Variants in DTNA observed in about 807,000 individuals in gnomAD.
The protein encoded by DTNA is dystrobrevin alpha.
In DTNA, 43 loss-of-function variants were observed where a neutral mutation model predicts 100.7. That is an observed-to-expected ratio of 0.43 (90% CI 0.33 to 0.55). The LOEUF (loss-of-function observed/expected upper bound fraction) is 0.55, where lower values mean the gene tolerates loss of function less well. Among genes scored for constraint, DTNA ranks in the 20% least tolerant of loss-of-function variants. The probability of loss-of-function intolerance (pLI) is 0.04; values close to 1 mark genes in which losing one functional copy is unlikely to be tolerated. For missense variants in DTNA, 798 were observed against 953.9 expected, an observed-to-expected ratio of 0.84 and a Z score of 2.15; for synonymous variants, 349 against 347.9, an observed-to-expected ratio of 1.00 and a Z score of -0.04.
chr18:34,567,506 CAG>C (rs2047186019), intron 1 of DTNA, among the ~76,000 whole-genome samples: 1 of 151,950 alleles, frequency 6.6e-6, no homozygotes, highest in Admixed American at 6.6e-5. Flanking sequence ...CTTAATAAAT[CAG>C]AATTTAAAAG....
intron 1 of DTNA, among the ~76,000 whole-genome samples, chr18:34,686,642 G>T (rs1276958932): frequency 6.6e-6 from 1 of 152,146 alleles, no homozygotes; most frequent in East Asian, 1.9e-4. Context: ...TCAGGATGAT[G>T]CTGGCCTCAT....
rs1282021029 is a variant in DTNA, at chr18:34,718,073, G to GC, written c.-2+7633dup. On this transcript the variant is annotated intron_variant, in intron 1 of 22. Transcript: ENST00000444659. ...AGAGAACAACTGATTTATCTTTTAA[G>GC]CCCCCTTGAAAATTGTCGATTACTG... Among the ~76,000 whole-genome samples, 3 of 152,268 alleles carry GC rather than the reference G, an allele frequency of 2.0e-5. No homozygotes were observed. In the East Asian group the frequency reaches 5.8e-4, roughly 29 times the overall value.
chr18:34,517,475 G>GTGTGTGTGTGTGTGTGTA (rs1374569678), intron 1 of DTNA, among the ~76,000 whole-genome samples: 1 of 151,876 alleles, frequency 6.6e-6, no homozygotes, highest in Non-Finnish European at 1.5e-5. Context: ...GTGTGTGTGT[G>GTGTGTGTGTGTGTGTGTA]TGTGTGTGTG....
intron 1 of DTNA, among the ~76,000 whole-genome samples, chr18:34,723,887 G>A (rs998243652): frequency 6.6e-6 from 1 of 151,234 alleles, no homozygotes; most frequent in Non-Finnish European, 1.5e-5. Context: ...CAACAAGAGC[G>A]AGATTCTGTC....
At chr18:34,634,729 A>C in intron 1 of DTNA, among the ~76,000 whole-genome samples, 1 of 152,338 alleles carries the variant, frequency 6.6e-6, no homozygotes, top group Non-Finnish European at 1.5e-5. Context: ...TATAAATTGT[A>C]TACTATATAC....
chr18:34,549,354 G>A (rs2145898207), intron 1 of DTNA, among the ~76,000 whole-genome samples: 1 of 152,100 alleles, frequency 6.6e-6, no homozygotes, highest in Middle Eastern at 3.4e-3. Context: ...TTCTTTCAGC[G>A]TTTAGAGTAT....
intron 1 of DTNA, among the ~76,000 whole-genome samples, chr18:34,636,015 C>A (rs2148234095): frequency 1.3e-5 from 2 of 152,224 alleles, no homozygotes; most frequent in Admixed American, 1.3e-4. Flanking sequence ...TAGCCTAGCT[C>A]ACAATCAGTT....
intron 1 of DTNA, among the ~76,000 whole-genome samples, chr18:34,661,370 T>C (rs2075158382): frequency 6.6e-6 from 1 of 152,218 alleles, no homozygotes; most frequent in African/African-American, 2.4e-5. Context: ...GCAGTATGTA[T>C]TGATGGCCCT....
At chr18:34,886,226 A>G (rs1256956201) in intron 22 of DTNA, among the ~76,000 whole-genome samples, 1 of 152,240 alleles carries the variant, frequency 6.6e-6, no homozygotes, top group African/African-American at 2.4e-5. Flanking sequence ...CCTCAGGTTA[A>G]AATTAAGCAA....
chr18:34,660,460 C>G (rs980226712), intron 1 of DTNA, among the ~76,000 whole-genome samples: 2 of 151,840 alleles, frequency 1.3e-5, no homozygotes, highest in African/African-American at 4.8e-5. Context: ...GTATTTTACT[C>G]TAAATTATAT....
intron 1 of DTNA, among the ~76,000 whole-genome samples, chr18:34,603,075 A>G (rs1357755067): frequency 1.3e-5 from 2 of 151,838 alleles, no homozygotes; most frequent in African/African-American, 4.8e-5. Context: ...AAAGAAATTT[A>G]GCTGAGCGTG....
intron 13 of DTNA, among the ~76,000 whole-genome samples, chr18:34,842,964 C>T (rs148890316): frequency 1.3e-5 from 2 of 152,114 alleles, no homozygotes; most frequent in East Asian, 1.9e-4. Flanking sequence ...GGGACCCTCT[C>T]CAACTTGTTC....
chr18:34,709,995 A>G (rs2082598445), upstream of DTNA, among the ~76,000 whole-genome samples: 1 of 152,234 alleles, frequency 6.6e-6, no homozygotes, highest in Non-Finnish European at 1.5e-5. Flanking sequence ...GATAATGATC[A>G]GTATTTCAAA....
intron 1 of DTNA, among the ~76,000 whole-genome samples, chr18:34,738,494 A>G (rs1047456289): frequency 5.0e-5 from 7 of 140,648 alleles, no homozygotes; most frequent in African/African-American, 2.0e-4. Flanking sequence ...TGCCATTTAA[A>G]ACATGATTTA....
At chr18:34,505,560 AT>A (rs1221404867) in intron 1 of DTNA, among the ~76,000 whole-genome samples, 2 of 151,788 alleles carry the variant, frequency 1.3e-5, no homozygotes, top group East Asian at 3.9e-4. Context: ...AAATTGAGTG[AT>A]TTCTATTTTT....
chr18:34,887,271 G>C (rs937277267), intron 22 of DTNA, among the ~76,000 whole-genome samples: 22 of 152,152 alleles, frequency 1.4e-4, no homozygotes, highest in Admixed American at 9.8e-4. Context: ...ACTCAGCTTA[G>C]GGTCCTCCAA....
At chr18:34,544,805 C>T (rs1323439323) in intron 1 of DTNA, among the ~76,000 whole-genome samples, 1 of 151,240 alleles carries the variant, frequency 6.6e-6, no homozygotes, top group South Asian at 2.1e-4. Flanking sequence ...GCTGGTTTCT[C>T]GGTGTTGAGG....
chr18:34,756,264 A>C (rs904482476), intron 2 of DTNA, among the ~76,000 whole-genome samples: 2 of 152,166 alleles, frequency 1.3e-5, no homozygotes, highest in African/African-American at 4.8e-5. Flanking sequence ...TTTTATGTGG[A>C]AGAAAATGTT....
At chr18:34,634,707 T>G (rs937587363) in intron 1 of DTNA, among the ~76,000 whole-genome samples, 1 of 152,138 alleles carries the variant, frequency 6.6e-6, no homozygotes, top group African/African-American at 2.4e-5. Flanking sequence ...TAAAAAAAAT[T>G]TAATTAACAA....
Sources: gnomAD v4.1 joint callset for allele counts (sites outside exome capture counted in the v4.1 genomes callset) on GRCh38, gnomAD v4.1.1 for gene constraint, MANE v1.5 for transcripts, NCBI Gene and HGNC (gene_info 2026-07-23, HGNC 2026-07-21) for gene names.